CNTN5: variants seen among roughly 807,000 people sequenced by gnomAD.
CNTN5 encodes contactin-5.
A neutral mutation model predicts 129.1 loss-of-function variants in CNTN5; 77 were observed. The ratio of observed to expected loss-of-function variants is 0.60; its 90% confidence interval spans 0.50 to 0.72. The LOEUF (loss-of-function observed/expected upper bound fraction) is 0.72, where lower values mean the gene tolerates loss of function less well. Among genes scored for constraint, CNTN5 ranks in the 30% least tolerant of loss-of-function variants. The pLI is 0.00. For missense variants in CNTN5, 1,478 were observed against 1,328.8 expected (o/e 1.11, Z -1.75); for synonymous variants, 509 against 465.6 (o/e 1.09, Z -1.20).
intron 1 of CNTN5, among the ~76,000 whole-genome samples, chr11:99,166,106 A>G (rs1343155332): frequency 1.3e-5 from 2 of 152,190 alleles, no homozygotes; most frequent in African/African-American, 4.8e-5. Context: ...AGCACAGTGT[A>G]AAAATGAGTA....
intron 9 of CNTN5, among the ~76,000 whole-genome samples, chr11:100,049,508 C>T (rs1942850118): frequency 6.6e-6 from 1 of 151,998 alleles, no homozygotes; most frequent in Admixed American, 6.6e-5. Context: ...TAGACTTAAA[C>T]CCAACCACAG....
At chr11:99,729,801 A>G (rs921468464) in intron 3 of CNTN5, among the ~76,000 whole-genome samples, 1 of 152,198 alleles carries the variant, frequency 6.6e-6, no homozygotes, top group Non-Finnish European at 1.5e-5. Context: ...ACACAGGAAC[A>G]AAAAACAAAC....
chr11:99,846,129 GACAC>G (rs10650307), intron 6 of CNTN5, among the ~76,000 whole-genome samples: 149 of 144,720 alleles, frequency 1.0e-3, no homozygotes, highest in African/African-American at 3.4e-3. Flanking sequence ...TACGGACATA[GACAC>G]ACACACACAC....
At chr11:99,073,987 C>T (rs113360049) in intron 1 of CNTN5, among the ~76,000 whole-genome samples, 10,879 of 152,152 alleles carry the variant, frequency 0.072, 621 homozygotes, top group African/African-American at 0.16. Flanking sequence ...TTTACACTCC[C>T]ACCAACAGTG....
intron 1 of CNTN5, among the ~76,000 whole-genome samples, chr11:99,208,474 C>A: frequency 6.6e-6 from 1 of 152,048 alleles, no homozygotes; most frequent in East Asian, 1.9e-4. Flanking sequence ...TATTACCAAG[C>A]CATTATAATA....
At chr11:99,179,361 G>A (rs1344018140) in intron 1 of CNTN5, among the ~76,000 whole-genome samples, 4 of 152,076 alleles carry the variant, frequency 2.6e-5, no homozygotes, top group South Asian at 2.1e-4. Flanking sequence ...AGAATTGCTC[G>A]AACCTGGGAG....
chr11:100,004,997 G>C (rs1202002364), intron 9 of CNTN5, among the ~76,000 whole-genome samples: 1 of 152,160 alleles, frequency 6.6e-6, no homozygotes, highest in Non-Finnish European at 1.5e-5. Context: ...GCAAGGCAGA[G>C]GGTCTGCAGG....
At chr11:100,014,622 T>G (rs574291573) in intron 9 of CNTN5, among the ~76,000 whole-genome samples, 1 of 152,214 alleles carries the variant, frequency 6.6e-6, no homozygotes, top group South Asian at 2.1e-4. Flanking sequence ...ATACATAGAT[T>G]TTTATTGATG....
At chr11:99,778,548 C>T (rs765219653) in intron 3 of CNTN5, among the ~76,000 whole-genome samples, 3 of 151,680 alleles carry the variant, frequency 2.0e-5, no homozygotes, top group African/African-American at 4.8e-5. Flanking sequence ...GAAACAAGTA[C>T]GTGCCCTGTT....
intron 6 of CNTN5, among the ~76,000 whole-genome samples, chr11:99,888,684 A>G (rs1160255493): frequency 6.6e-6 from 1 of 152,224 alleles, no homozygotes; most frequent in Non-Finnish European, 1.5e-5. Context: ...GCAACATCCC[A>G]GGAAAGAAAA....
intron 3 of CNTN5, among the ~76,000 whole-genome samples, chr11:99,651,786 A>G (rs1952166778): frequency 1.3e-5 from 2 of 152,042 alleles, no homozygotes; most frequent in Admixed American, 1.3e-4. Flanking sequence ...AATCAACTAT[A>G]AAATTAAAAA....
At chr11:100,355,178 T>G (rs545665102) in intron 24 of CNTN5, among the ~76,000 whole-genome samples, 201 of 151,938 alleles carry the variant, frequency 1.3e-3, no homozygotes, top group African/African-American at 4.6e-3. Flanking sequence ...CTGTATTCTA[T>G]AAACTTTTTA....
At chr11:99,669,210 C>T (rs570130019) in intron 3 of CNTN5, among the ~76,000 whole-genome samples, 4 of 152,094 alleles carry the variant, frequency 2.6e-5, no homozygotes, top group East Asian at 1.9e-4. Flanking sequence ...GAGGTTTTTA[C>T]TTATGCTATA....
intron 21 of CNTN5, among the ~76,000 whole-genome samples, chr11:100,324,755 T>G (rs962332350): frequency 6.6e-6 from 1 of 152,192 alleles, no homozygotes; most frequent in Non-Finnish European, 1.5e-5. Flanking sequence ...AAATACAAAT[T>G]TATTCAGTAA....
At position 100,346,537 on chromosome 11, in the gene CNTN5, A is replaced by T. The variant is rs1952285365; in HGVS notation, c.3031-4165A>T. On this transcript the variant is annotated intron_variant, in intron 23 of 24. Transcript: ENST00000524871. Reference sequence around the variant, plus strand: ...CCCTTCCCCACAAACAAAAACTGTTATCCCTTCAGAAAAGACACAAGCAGT... The same window carrying T: ...CCCTTCCCCACAAACAAAAACTGTTTTCCCTTCAGAAAAGACACAAGCAGT... Among the ~76,000 whole-genome samples, 3 of 152,150 alleles carry T rather than the reference A, an allele frequency of 2.0e-5. No individual in the cohort carries two copies. The South Asian group carries it at 6.2e-4, about 31-fold the overall frequency.
intron 3 of CNTN5, among the ~76,000 whole-genome samples, chr11:99,746,800 C>G (rs143742753): frequency 1.3e-5 from 2 of 152,116 alleles, no homozygotes; most frequent in African/African-American, 2.4e-5. Context: ...GTTTCTGTGT[C>G]GGTACCATGA....
At chr11:100,272,446 A>T (rs188228935) in intron 18 of CNTN5, among the ~76,000 whole-genome samples, 9 of 152,186 alleles carry the variant, frequency 5.9e-5, no homozygotes, top group African/African-American at 2.2e-4. Context: ...TAAACTCTCA[A>T]AACAGTTGAC....
intron 1 of CNTN5, among the ~76,000 whole-genome samples, chr11:99,126,116 A>T (rs1858617582): frequency 6.6e-6 from 1 of 152,162 alleles, no homozygotes; most frequent in Non-Finnish European, 1.5e-5. Flanking sequence ...AGGGATATTA[A>T]ATCTGTTTTT....
At chr11:99,034,284 A>G (rs563722184) in intron 1 of CNTN5, among the ~76,000 whole-genome samples, 1 of 152,156 alleles carries the variant, frequency 6.6e-6, no homozygotes, top group African/African-American at 2.4e-5. Context: ...CTGGCCTCAT[A>G]CAATGAGTTA....
Sources: gnomAD v4.1 joint callset for allele counts (sites outside exome capture counted in the v4.1 genomes callset) on GRCh38, gnomAD v4.1.1 for gene constraint, MANE v1.5 for transcripts, NCBI Gene and HGNC (gene_info 2026-07-23, HGNC 2026-07-21) for gene names.